The following NAP1L1 variants were observed in gnomAD, a reference collection of about 807,000 sequenced individuals.
NAP1L1 encodes nucleosome assembly protein 1-like 1.
NAP1L1 carries 9 observed loss-of-function variants against 58.9 expected under a neutral mutation model. The ratio of observed to expected loss-of-function variants is 0.15; its 90% confidence interval spans 0.09 to 0.27. The LOEUF is 0.27. Among genes scored for constraint, NAP1L1 ranks in the 10% least tolerant of loss-of-function variants. The probability of loss-of-function intolerance (pLI) is 1.00; values close to 1 mark genes in which losing one functional copy is unlikely to be tolerated. For missense variants in NAP1L1, 302 were observed against 458.8 expected, an observed-to-expected ratio of 0.66 and a Z score of 3.12; for synonymous variants, 130 against 138.3, an observed-to-expected ratio of 0.94 and a Z score of 0.42.
At chr12:76,078,982 C>CATAT (rs200623760) in intron 1 of NAP1L1, among the ~76,000 whole-genome samples, 41 of 150,188 alleles carry the variant, frequency 2.7e-4, no homozygotes, top group East Asian at 2.5e-3. Context: ...ATAAAGAATC[C>CATAT]ATATATATAT....
At chr12:76,076,476 C>A (rs1365217354) in intron 1 of NAP1L1, among the ~76,000 whole-genome samples, 2 of 148,396 alleles carry the variant, frequency 1.3e-5, no homozygotes, top group African/African-American at 5.0e-5. Context: ...ACAAATGAAA[C>A]AGATCTGAGT....
chr12:76,076,583 T>TATATATATATATAC (rs1184124971), intron 1 of NAP1L1, among the ~76,000 whole-genome samples: 15 of 124,454 alleles, frequency 1.2e-4, no homozygotes, highest in Admixed American at 5.6e-4. Context: ...TATATATATA[T>TATATATATATATAC]ATATATATAT....
rs1948593920 is a variant in NAP1L1 at position 76,045,636 on chromosome 12, T to C, written c.*2793A>G. The C allele has an allele frequency of 6.6e-6, 1 of 152,054 alleles. No individual in the cohort carries two copies. The highest frequency in any genetic ancestry group is 1.5e-5 in the Non-Finnish European group (1 of 67,906). The allele number at this position is 152,054 out of a possible 1,614,324, so 9.4% of individuals were successfully genotyped here. A position where few individuals can be genotyped will look rare whatever the true frequency, so the allele number is the denominator to read the frequency against. On this transcript the variant is annotated 3_prime_UTR_variant, in exon 15 of 15. Coordinates refer to ENST00000618691, the MANE Select transcript of NAP1L1 (RefSeq NM_004537.7). Reference sequence around the variant, plus strand: ...AAGGTATTTTTGCAATCTAAAATAGTGATGCTAATACTGCTTCAGTAAGCT... The same window carrying C: ...AAGGTATTTTTGCAATCTAAAATAGCGATGCTAATACTGCTTCAGTAAGCT...
intron 2 of NAP1L1, among the ~76,000 whole-genome samples, chr12:76,072,833 G>A (rs1196043544): frequency 2.6e-5 from 4 of 151,988 alleles, no homozygotes; most frequent in East Asian, 3.9e-4. Context: ...CAAACTATCC[G>A]GCATAAAGGT....
At position 76,045,638 on chromosome 12, in the gene NAP1L1, A is replaced by T. The variant is rs1948593995; in HGVS notation, c.*2791T>A. 6.6e-6 allele frequency: 1 copy of T among 152,072 alleles called. No individual in the cohort carries two copies. 9.4% of individuals were successfully genotyped at this position (152,072 alleles called of 1,614,324 possible). A position where few individuals can be genotyped will look rare whatever the true frequency, so the allele number is the denominator to read the frequency against. The stretch of plus-strand genomic sequence containing the variant: ...GGTATTTTTGCAATCTAAAATAGTG[A>T]TGCTAATACTGCTTCAGTAAGCTAG... On this transcript the variant is annotated 3_prime_UTR_variant, in exon 15 of 15. Transcript: ENST00000618691.
chr12:76,079,320 G>T (rs1465317495), intron 1 of NAP1L1, among the ~76,000 whole-genome samples: 1 of 152,184 alleles, frequency 6.6e-6, no homozygotes, highest in African/African-American at 2.4e-5. Context: ...GAGGCCAGGA[G>T]TTCAAGGCCA....
In NAP1L1 at chr12:76,067,476, T is replaced by TC; in HGVS notation, c.104-4_104-3insG. ...CATCTGAACAGTTAGCTGACGTGCT[T>TC]TAAAAAAAAAAGGGCATCGAAAGAA... On this transcript the variant is annotated splice_polypyrimidine_tract_variant and splice_region_variant and intron_variant, in intron 3 of 14. Coordinates refer to ENST00000618691, the MANE Select transcript of NAP1L1 (RefSeq NM_004537.7). The TC allele has an allele frequency of 6.4e-7, 1 of 1,556,038 alleles. No homozygotes were observed. Among genetic ancestry groups the TC allele is most frequent in the Non-Finnish European group, 8.7e-7 (1 of 1,147,572 alleles).
At chr12:76,074,489 G>A in intron 1 of NAP1L1, 1 of 307,064 alleles carries the variant, frequency 3.3e-6, no homozygotes, top group Non-Finnish European at 4.8e-6. Context: ...TTTAGAATCT[G>A]TTGTATAAAG....
rs1948527586 is a variant in NAP1L1 at position 76,039,169 on chromosome 12, A to T, written c.*9260T>A. The T allele has an allele frequency of 6.6e-6, 1 of 151,944 alleles. No individual in the cohort carries two copies. Among genetic ancestry groups the T allele is most frequent in the Non-Finnish European group, 1.5e-5 (1 of 67,980 alleles). The allele number at this position is 151,944 out of a possible 1,614,324, so 9.4% of individuals were successfully genotyped here. A position where few individuals can be genotyped will look rare whatever the true frequency, so the allele number is the denominator to read the frequency against. On this transcript the variant is annotated 3_prime_UTR_variant, in exon 15 of 15. Transcript: ENST00000618691. ...TGTGGCCAATGTGGCTGTCATCCTA[A>T]CCTCCCTTGGCATTCACACCCAGCT...
chr12:76,082,523 C>A (rs1200597116), intron 1 of NAP1L1, among the ~76,000 whole-genome samples: 1 of 152,124 alleles, frequency 6.6e-6, no homozygotes, highest in Non-Finnish European at 1.5e-5. Flanking sequence ...TTTTAAATTT[C>A]TATTTACTAA....
At chr12:76,079,264 G>A (rs1211881761) in intron 1 of NAP1L1, among the ~76,000 whole-genome samples, 4 of 152,132 alleles carry the variant, frequency 2.6e-5, no homozygotes, top group Admixed American at 1.3e-4. Context: ...GGTAGCTCAC[G>A]TCTATAGTCT....
chr12:76,059,659 T>A, intron 6 of NAP1L1, 139 bp downstream of exon 6: 4 of 632,168 alleles, frequency 6.3e-6, no homozygotes, highest in Non-Finnish European at 1.1e-5. Flanking sequence ...GAAAAACGTG[T>A]AATAAAGACG....
At chr12:76,063,345 C>T (rs971472679) in intron 4 of NAP1L1, among the ~76,000 whole-genome samples, 4 of 152,068 alleles carry the variant, frequency 2.6e-5, no homozygotes, top group Admixed American at 6.6e-5. Context: ...AAAATCAATG[C>T]CATTAACTTT....
At chr12:76,063,882 A>T (rs1330657700) in intron 4 of NAP1L1, among the ~76,000 whole-genome samples, 5 of 8,350 alleles carry the variant, frequency 6.0e-4, no homozygotes, top group African/African-American at 9.1e-4. Flanking sequence ...TTAAAAGTTT[A>T]AAAAAAAAAA....
intron 11 of NAP1L1, 133 bp downstream of exon 11, chr12:76,052,958 C>T: frequency 1.5e-6 from 1 of 676,958 alleles, no homozygotes; most frequent in Non-Finnish European, 2.4e-6. Flanking sequence ...TTTTCATATC[C>T]AAAAAGTCTG....
intron 5 of NAP1L1, 87 bp from the exon 6 acceptor site, chr12:76,059,965 T>A: frequency 7.9e-7 from 1 of 1,259,422 alleles, no homozygotes; most frequent in Non-Finnish European, 1.1e-6. Context: ...GTCTTACAAA[T>A]TTAACAAATG....
At chr12:76,051,920 A>G (rs1948851714) in intron 11 of NAP1L1, among the ~76,000 whole-genome samples, 1 of 152,122 alleles carries the variant, frequency 6.6e-6, no homozygotes, top group Admixed American at 6.5e-5. Context: ...AGGCTGAGGC[A>G]GGAGAATTGC....
intron 2 of NAP1L1, among the ~76,000 whole-genome samples, chr12:76,071,907 C>G (rs1458936680): frequency 6.6e-6 from 1 of 151,020 alleles, no homozygotes; most frequent in Non-Finnish European, 1.5e-5. Flanking sequence ...AAAGGAACAC[C>G]AGAAGCCAGA....
At position 76,049,237 on chromosome 12, in the gene NAP1L1, T is replaced by C; in HGVS notation, c.1103A>G (p.Glu368Gly). The C allele has an allele frequency of 3.1e-6, 5 of 1,613,596 alleles. No homozygotes were observed. Among genetic ancestry groups the C allele is most frequent in the African/African-American group, 2.7e-5 (2 of 75,030 alleles). ...GTCTGGATCATTTTCCTCATCTCCT[T>C]CTTCTTCCCCTTCCTATATTAAAGT... ...GEEADEEGEE[E>G]GDEENDPDYD... The change falls in exon 14 of 15, where the codon GAA (glutamate) becomes GGA (glycine). Residue 368 changes from glutamate (E) to glycine (G), a missense_variant. By Grantham distance (98) the Glu-to-Gly change is moderately conservative. Coordinates refer to ENST00000618691, the MANE Select transcript of NAP1L1 (RefSeq NM_004537.7).
Sources: allele counts gnomAD v4.1 joint callset (sites outside exome capture counted in the v4.1 genomes callset), GRCh38; gene constraint gnomAD v4.1.1; transcripts MANE v1.5; gene names NCBI Gene and HGNC (gene_info 2026-07-23, HGNC 2026-07-21).